Variants in PLEKHA5 observed in about 807,000 individuals in gnomAD.
The protein encoded by PLEKHA5 is pleckstrin homology domain containing A5, also known as pleckstrin homology domain-containing family A member 5.
Under a neutral mutation model 181.9 loss-of-function variants are expected in PLEKHA5, and 55 were observed. That is an observed-to-expected ratio of 0.30 (90% confidence interval 0.24 to 0.38). The LOEUF (loss-of-function observed/expected upper bound fraction) is 0.38, where lower values mean the gene tolerates loss of function less well. Among genes scored for constraint, PLEKHA5 ranks in the 10% least tolerant of loss-of-function variants. The pLI is 1.00. For synonymous variants in PLEKHA5, 535 were observed against 529.4 expected, an observed-to-expected ratio of 1.01 and a Z score of -0.15; for missense variants, 1,432 against 1,549.5, an observed-to-expected ratio of 0.92 and a Z score of 1.27.
intron 3 of PLEKHA5, among the ~76,000 whole-genome samples, chr12:19,234,527 G>A (rs2061113430): frequency 6.6e-6 from 1 of 152,152 alleles, no homozygotes; most frequent in Non-Finnish European, 1.5e-5. Context: ...ATGCCTCTTA[G>A]TATCCCTCAT....
chr12:19,181,918 A>G (rs567907883), intron 3 of PLEKHA5, among the ~76,000 whole-genome samples: 2 of 152,340 alleles, frequency 1.3e-5, no homozygotes, highest in African/African-American at 4.8e-5. Context: ...TTCATCAGAA[A>G]TAAAACTGAG....
intron 3 of PLEKHA5, among the ~76,000 whole-genome samples, chr12:19,247,777 T>A (rs543377148): frequency 3.5e-4 from 53 of 150,884 alleles, no homozygotes; most frequent in African/African-American, 1.2e-3. Flanking sequence ...AGGTAGGGGG[T>A]GAGGGCATTC....
chr12:19,253,582 C>T (rs1036628460), intron 3 of PLEKHA5, among the ~76,000 whole-genome samples: 1 of 151,628 alleles, frequency 6.6e-6, no homozygotes, highest in Admixed American at 6.6e-5. Flanking sequence ...TTTGTGAGGC[C>T]GAGGCGGGTG....
intron 3 of PLEKHA5, among the ~76,000 whole-genome samples, chr12:19,191,131 C>T (rs2051023024): frequency 6.6e-6 from 1 of 152,176 alleles, no homozygotes; most frequent in African/African-American, 2.4e-5. Context: ...CTTCCCTTTA[C>T]CACCTATACC....
intron 3 of PLEKHA5, among the ~76,000 whole-genome samples, chr12:19,225,137 G>A (rs1199452108): frequency 6.6e-6 from 1 of 152,174 alleles, no homozygotes; most frequent in Non-Finnish European, 1.5e-5. Flanking sequence ...ACAGTAGGAA[G>A]TGCCCATCAG....
chr12:19,304,930 C>A (rs2082743391), intron 15 of PLEKHA5, among the ~76,000 whole-genome samples: 1 of 151,962 alleles, frequency 6.6e-6, no homozygotes, highest in Non-Finnish European at 1.5e-5. Flanking sequence ...CCCCTTCTCT[C>A]TTTCTTTTTT....
chr12:19,186,736 G>A (rs999668659), intron 3 of PLEKHA5, among the ~76,000 whole-genome samples: 17 of 151,966 alleles, frequency 1.1e-4, no homozygotes, highest in Non-Finnish European at 2.5e-4. Flanking sequence ...TCCACCCCTT[G>A]AAGTCCTATA....
chr12:19,320,404 G>A, intron 17 of PLEKHA5, 158 bp from the exon 18 acceptor site: 1 of 472,208 alleles, frequency 2.1e-6, no homozygotes, highest in Non-Finnish European at 3.7e-6. Flanking sequence ...CTACTTTGTT[G>A]ATCAGTGTTT....
At chr12:19,320,755 A>G in intron 18 of PLEKHA5, 131 bp downstream of exon 18, 1 of 511,944 alleles carries the variant, frequency 2.0e-6, no homozygotes, top group Non-Finnish European at 3.5e-6. Flanking sequence ...TTCATATTTT[A>G]TGTGTGTGCT....
chr12:19,241,463 A>G (rs1592172095), intron 3 of PLEKHA5, among the ~76,000 whole-genome samples: 1 of 152,228 alleles, frequency 6.6e-6, no homozygotes, highest in East Asian at 1.9e-4. Context: ...TGAAAAATAA[A>G]TTGTAAAAAT....
At chr12:19,263,148 T>A (rs1207605384) in intron 7 of PLEKHA5, among the ~76,000 whole-genome samples, 7 of 151,900 alleles carry the variant, frequency 4.6e-5, no homozygotes. Context: ...ATAATTAGAT[T>A]TCAGTGAGAT....
chr12:19,225,305 G>A (rs2059541839), intron 3 of PLEKHA5, among the ~76,000 whole-genome samples: 1 of 152,068 alleles, frequency 6.6e-6, no homozygotes, highest in African/African-American at 2.4e-5. Flanking sequence ...TTTTCATAAC[G>A]TTCCTCAGAG....
intron 21 of PLEKHA5, among the ~76,000 whole-genome samples, chr12:19,342,279 A>G (rs528681097): frequency 1.3e-5 from 2 of 152,256 alleles, no homozygotes; most frequent in East Asian, 1.9e-4. Context: ...TAGATTTCTA[A>G]TAGAATCTCA....
At chr12:19,278,389 A>G (rs1401381988) in intron 11 of PLEKHA5, among the ~76,000 whole-genome samples, 1 of 152,196 alleles carries the variant, frequency 6.6e-6, no homozygotes, top group Non-Finnish European at 1.5e-5. Context: ...TAATTTAGAT[A>G]TTAGTTTATA....
intron 3 of PLEKHA5, among the ~76,000 whole-genome samples, chr12:19,244,531 T>C (rs1367172961): frequency 6.6e-6 from 1 of 152,254 alleles, no homozygotes; most frequent in Non-Finnish European, 1.5e-5. Flanking sequence ...ATACTGGCCT[T>C]TGTTGCCAGG....
At chr12:19,181,101 A>G (rs2048454491) in intron 3 of PLEKHA5, among the ~76,000 whole-genome samples, 1 of 152,188 alleles carries the variant, frequency 6.6e-6, no homozygotes, top group Admixed American at 6.5e-5. Context: ...ATTAAAAAGA[A>G]CTCTATAGTA....
chr12:19,273,614 C>A (rs1770629765), intron 10 of PLEKHA5, among the ~76,000 whole-genome samples: 1 of 152,104 alleles, frequency 6.6e-6, no homozygotes. Flanking sequence ...TCAGCTTGAT[C>A]TTTTCAGAGT....
chr12:19,307,660 G>T lies in PLEKHA5; in HGVS notation c.2038-7154G>T, dbSNP rs146795144. On this transcript the variant is annotated intron_variant, in intron 15 of 31. Transcript: ENST00000429027. ...TGATTACATTGTCAGTCTAGGAGTC[G>T]TTGATGATTCAAAAGCCCAAGACAG... is the stretch of plus-strand genomic sequence containing the variant. 358 of 327,646 alleles carry T rather than the reference G, an allele frequency of 1.1e-3. 3 individuals carry two copies. Among genetic ancestry groups the T allele is most frequent in the African/African-American group, 7.6e-3 (341 of 44,844 alleles). 20.3% of individuals were successfully genotyped at this position (327,646 alleles called of 1,614,324 possible). A position where few individuals can be genotyped will look rare whatever the true frequency, so the allele number is the denominator to read the frequency against.
chr12:19,228,633 C>T (rs1233011903), intron 3 of PLEKHA5, among the ~76,000 whole-genome samples: 2 of 152,126 alleles, frequency 1.3e-5, no homozygotes, highest in African/African-American at 4.8e-5. Flanking sequence ...AATAGTTTTC[C>T]TCAGACCTGA....
Sources: allele counts gnomAD v4.1 joint callset (sites outside exome capture counted in the v4.1 genomes callset), GRCh38; gene constraint gnomAD v4.1.1; transcripts MANE v1.5; gene names NCBI Gene and HGNC (gene_info 2026-07-23, HGNC 2026-07-21).